SCRN3: variants seen among roughly 807,000 people sequenced by gnomAD.
SCRN3 encodes secernin 3.
Under a neutral mutation model 43.1 loss-of-function variants are expected in SCRN3, and 39 were observed. That is an observed-to-expected ratio of 0.91 (90% confidence interval 0.70 to 1.18). SCRN3 has a LOEUF of 1.18. SCRN3 is among the 50% of genes most tolerant of loss of function. The probability of loss-of-function intolerance (pLI) is 0.00; values close to 1 mark genes in which losing one functional copy is unlikely to be tolerated. For synonymous variants in SCRN3, 147 were observed against 163.1 expected (o/e 0.90, Z 0.75); for missense variants, 484 against 498.0 (o/e 0.97, Z 0.27).
chr2:174,424,412 T>TTA, intron 6 of SCRN3, 63 bp from the exon 7 acceptor site: 1 of 1,176,202 alleles, frequency 8.5e-7, no homozygotes. Context: ...TTAGAAGACT[T>TTA]AGACTAACAC....
At chr2:174,420,325 T>C (rs1686254922) in intron 5 of SCRN3, among the ~76,000 whole-genome samples, 1 of 152,154 alleles carries the variant, frequency 6.6e-6, no homozygotes, top group Non-Finnish European at 1.5e-5. Context: ...AGGGATAGAC[T>C]AGTCTCAACA....
intron 5 of SCRN3, among the ~76,000 whole-genome samples, chr2:174,415,375 A>T (rs1245605744): frequency 6.6e-6 from 1 of 152,120 alleles, no homozygotes; most frequent in African/African-American, 2.4e-5. Context: ...TATTTTTTTT[A>T]GTGAAATTAG....
At chr2:174,397,526 T>A in intron 1 of SCRN3, 1 of 348,544 alleles carries the variant, frequency 2.9e-6, no homozygotes, top group Non-Finnish European at 4.0e-6. Flanking sequence ...TGAGTCTGTT[T>A]CAAAATTTCA....
chr2:174,421,373 A>C (rs1686287491), intron 5 of SCRN3, among the ~76,000 whole-genome samples: 2 of 152,214 alleles, frequency 1.3e-5, no homozygotes, highest in South Asian at 4.1e-4. Context: ...CATAGGTAAA[A>C]CTAGACAAAC....
chr2:174,419,638 C>G (rs1430861019), intron 5 of SCRN3, among the ~76,000 whole-genome samples: 2 of 152,178 alleles, frequency 1.3e-5, no homozygotes, highest in Non-Finnish European at 2.9e-5. Context: ...ATACTCCTGC[C>G]TCAGACTCCC....
At chr2:174,416,951 AGTT>A (rs1200494636) in intron 5 of SCRN3, among the ~76,000 whole-genome samples, 1 of 152,236 alleles carries the variant, frequency 6.6e-6, no homozygotes, top group East Asian at 1.9e-4. Flanking sequence ...TTTTCAAAGT[AGTT>A]AATATCTTAT....
chr2:174,420,301 A>C (rs1401612013), intron 5 of SCRN3, among the ~76,000 whole-genome samples: 1 of 152,204 alleles, frequency 6.6e-6, no homozygotes, highest in Non-Finnish European at 1.5e-5. Flanking sequence ...CCTTAGGAAG[A>C]GTAAGAACAA....
In SCRN3 at chr2:174,427,824, C is replaced by G; in HGVS notation, c.1204C>G (p.Leu402Val). ...TCTTGATGTGGAGAAAATTGTTAAT[C>G]TCTTTCCTCAGTGTACAAAAGATGA... ...KHLDVEKIVN[L>V]FPQCTKDEIQ... The change falls in exon 8 of 8, where the codon CTC (leucine) becomes GTC (valine). Residue 402 changes from leucine to valine, a missense_variant. By Grantham distance (32) the Leu-to-Val change is conservative (BLOSUM62 1). Transcript: ENST00000272732. The G allele has an allele frequency of 6.2e-7, 1 of 1,608,180 alleles. No individual in the cohort carries two copies. Among genetic ancestry groups the G allele is most frequent in the Non-Finnish European group, 8.5e-7 (1 of 1,175,214 alleles).
chr2:174,417,253 A>G (rs1211842994), intron 5 of SCRN3, among the ~76,000 whole-genome samples: 2 of 152,132 alleles, frequency 1.3e-5, no homozygotes, highest in Non-Finnish European at 2.9e-5. Context: ...ACAAACCTGC[A>G]TGTCCTGCAC....
Position 174,428,420 on chromosome 2 carries a change from A to G in SCRN3, c.*525A>G, listed in dbSNP as rs903901535. 4.6e-5 allele frequency: 7 copies of G among 152,642 alleles called. No individual in the cohort carries two copies. The allele number at this position is 152,642 out of a possible 1,614,324, so 9.5% of individuals were successfully genotyped here. A position where few individuals can be genotyped will look rare whatever the true frequency, so the allele number is the denominator to read the frequency against. On this transcript the variant is annotated 3_prime_UTR_variant, in exon 8 of 8. Transcript: ENST00000272732. ...TCAATACAGTATATTAGTTCTGCAA[A>G]TGCACTTTTGTTAAACTCAAACATG...
intron 7 of SCRN3, 41 bp downstream of exon 7, chr2:174,424,690 A>C: frequency 1.3e-6 from 2 of 1,494,042 alleles, no homozygotes; most frequent in Non-Finnish European, 1.8e-6. Flanking sequence ...TTAAGTGTAA[A>C]GTTAGATTCA....
intron 1 of SCRN3, 137 bp downstream of exon 1, chr2:174,395,954 G>A: frequency 7.1e-7 from 1 of 1,400,522 alleles, no homozygotes; most frequent in Non-Finnish European, 9.3e-7. Context: ...CCAGGGCCGG[G>A]GTGCGGGGTG....
At chr2:174,410,040 G>C (rs1321946303) in intron 5 of SCRN3, 1 of 160,010 alleles carries the variant, frequency 6.2e-6, no homozygotes, top group Admixed American at 6.5e-5. Flanking sequence ...GGGCAATGGC[G>C]GGTGCCCCTC....
At chr2:174,423,105 A>G (rs1380731625) in intron 6 of SCRN3, 58 bp downstream of exon 6, 23 of 1,379,658 alleles carry the variant, frequency 1.7e-5, no homozygotes, top group Non-Finnish European at 2.3e-5. Flanking sequence ...TAGAGTCATT[A>G]GTATGTTAAT....
At chr2:174,404,000 A>C in intron 4 of SCRN3, 103 bp from the exon 5 acceptor site, 1 of 833,478 alleles carries the variant, frequency 1.2e-6, no homozygotes, top group Non-Finnish European at 1.9e-6. Flanking sequence ...TTAGAAGTCT[A>C]TATTTATGTT....
chr2:174,396,167 T>A (rs1224551648), intron 1 of SCRN3: 2 of 818,384 alleles, frequency 2.4e-6, no homozygotes, highest in Admixed American at 5.0e-5. Context: ...TAAGAGCGCG[T>A]GAAATAGAAT....
intron 4 of SCRN3, 59 bp from the exon 5 acceptor site, chr2:174,404,044 C>A (rs953019588): frequency 5.3e-6 from 7 of 1,323,374 alleles, no homozygotes; most frequent in African/African-American, 4.4e-5. Context: ...TATACAGATA[C>A]ATGCTTTATG....
Position 174,400,817 on chromosome 2 carries a change from T to C in SCRN3, c.342-173T>C, listed in dbSNP as rs185992830. On this transcript the variant is annotated intron_variant, in intron 3 of 7. Transcript: ENST00000272732. ...GTTTGTTTGACTCCAGAAACTTTAT[T>C]TCCATGATTCCAAACTGACTTCAGA... Among the ~76,000 whole-genome samples the C allele has an allele frequency of 1.6e-3, 250 of 152,336 alleles. 2 individuals are homozygous for C. Among genetic ancestry groups the C allele is most frequent in the Admixed American group, 0.012 (184 of 15,298 alleles).
rs1685444595 is a variant in SCRN3, at chr2:174,399,906, T to C, written c.160-16T>C. The C allele has an allele frequency of 7.7e-7, 1 of 1,295,638 alleles. No homozygotes were observed. Among genetic ancestry groups the C allele is most frequent in the African/African-American group, 1.5e-5 (1 of 64,912 alleles). The allele number at this position is 1,295,638 out of a possible 1,614,324, so 80.3% of individuals were successfully genotyped here. On this transcript the variant is annotated splice_polypyrimidine_tract_variant and intron_variant, in intron 2 of 7. Coordinates refer to ENST00000272732, the MANE Select transcript of SCRN3 (RefSeq NM_024583.5). ...TTGTGGTTCTTGCTATGACTTTTTT[T>C]TTTTTTTTTTTACAGTGTACATATA...
Sources: allele counts gnomAD v4.1 joint callset (sites outside exome capture counted in the v4.1 genomes callset), GRCh38; gene constraint gnomAD v4.1.1; transcripts MANE v1.5; gene names NCBI Gene and HGNC (gene_info 2026-07-23, HGNC 2026-07-21).